The following COLGALT2 variants were observed in gnomAD, a reference collection of about 807,000 sequenced individuals.
COLGALT2 encodes procollagen galactosyltransferase 2.
A neutral mutation model predicts 73.4 loss-of-function variants in COLGALT2; 49 were observed. The ratio of observed to expected loss-of-function variants is 0.67; its 90% CI spans 0.53 to 0.85. The LOEUF is 0.85. Among genes scored for constraint, COLGALT2 ranks in the 40% least tolerant of loss-of-function variants. COLGALT2 has a pLI of 0.00. For synonymous variants in COLGALT2, 295 were observed against 307.6 expected (o/e 0.96, Z 0.43); for missense variants, 722 against 790.2 (o/e 0.91, Z 1.03).
intron 6 of COLGALT2, among the ~76,000 whole-genome samples, chr1:183,962,770 T>C (rs1038190706): frequency 1.3e-5 from 2 of 152,216 alleles, no homozygotes; most frequent in Non-Finnish European, 2.9e-5. Context: ...ATGCATCCCA[T>C]GCATGCTCCA....
At chr1:184,001,542 T>C (rs1671926655) in intron 1 of COLGALT2, among the ~76,000 whole-genome samples, 1 of 152,230 alleles carries the variant, frequency 6.6e-6, no homozygotes, top group South Asian at 2.1e-4. Flanking sequence ...TGACTTTATA[T>C]ACTGCATGCA....
rs397861890 is a variant in COLGALT2 at position 183,930,569 on chromosome 1, C to CTTTTTTT, written c.1605-287_1605-281dup. On this transcript the variant is annotated intron_variant, in intron 11 of 11. Transcript: ENST00000649786. The stretch of plus-strand genomic sequence containing the variant: ...AATGCCCTGCTAATTTTTTCTTTTT[C>CTTTTTTT]TTTTTTTTTTTTTTTTTTTTTGTAT... 3.1e-3 allele frequency among the ~76,000 whole-genome samples: 355 copies of CTTTTTTT among 113,966 alleles called. 2 individuals are homozygous for CTTTTTTT. The highest frequency in any genetic ancestry group is 5.6e-3 in the African/African-American group (167 of 29,614). 74.8% of individuals were successfully genotyped at this position (113,966 alleles called of 152,430 possible).
intron 1 of COLGALT2, among the ~76,000 whole-genome samples, chr1:183,995,230 C>T (rs1572664303): frequency 6.6e-6 from 1 of 152,126 alleles, no homozygotes; most frequent in Admixed American, 6.5e-5. Context: ...GTGCTATAAT[C>T]CAATAAAAGG....
At chr1:183,940,895 T>C in intron 10 of COLGALT2, 108 bp from the exon 11 acceptor site, 1 of 936,558 alleles carries the variant, frequency 1.1e-6, no homozygotes, top group Non-Finnish European at 1.7e-6. Flanking sequence ...CTGGACTGAC[T>C]CTGTCTGTCA....
chr1:183,978,440 T>A lies in COLGALT2; in HGVS notation c.344A>T (p.Tyr115Phe), dbSNP rs1202380717. 1 of 1,610,362 alleles carries A rather than the reference T, an allele frequency of 6.2e-7. No individual in the cohort carries two copies. The highest frequency in any genetic ancestry group is 1.7e-5 in the Admixed American group (1 of 59,978). Residue 115 changes from tyrosine to phenylalanine, a missense_variant, in exon 2 of 12, where the codon TAT (tyrosine) becomes TTT (phenylalanine). Transcript: ENST00000361927. The part of the protein sequence containing the change: ...WLKNVQRLYH[Y>F]VEWRPMDEPE... ...TTCATCCATAGGCCTCCACTCCACA[T>A]AGTGATAGAGTCTCTGTACATTTTT...
intron 8 of COLGALT2, among the ~76,000 whole-genome samples, chr1:183,947,945 A>G (rs1350792094): frequency 1.3e-5 from 2 of 152,154 alleles, no homozygotes; most frequent in East Asian, 3.8e-4. Flanking sequence ...AAAAGATTAT[A>G]TGATAATACT....
intron 8 of COLGALT2, among the ~76,000 whole-genome samples, chr1:183,947,176 T>C (rs1670274990): frequency 1.3e-5 from 2 of 152,202 alleles, no homozygotes; most frequent in Non-Finnish European, 2.9e-5. Context: ...ATATCCCACC[T>C]GCAATAATAG....
chr1:183,979,567 C>T (rs74130488), intron 1 of COLGALT2, among the ~76,000 whole-genome samples: 2,382 of 152,194 alleles, frequency 0.016, 53 homozygotes, highest in African/African-American at 0.055. Flanking sequence ...CTACTTAACT[C>T]TGCCATGGTA....
At chr1:183,976,352 T>TTATTA (rs1553316804) in intron 2 of COLGALT2, among the ~76,000 whole-genome samples, 6 of 148,174 alleles carry the variant, frequency 4.0e-5, no homozygotes, top group African/African-American at 1.2e-4. Context: ...TATGTATATA[T>TTATTA]TATATCATAT....
At chr1:184,001,893 T>C (rs570564845) in intron 1 of COLGALT2, among the ~76,000 whole-genome samples, 8 of 152,364 alleles carry the variant, frequency 5.3e-5, no homozygotes, top group Non-Finnish European at 5.9e-5. Context: ...TTAGGTGTAG[T>C]TGGGAATATC....
At chr1:184,017,751 A>T (rs1309303983) in intron 1 of COLGALT2, among the ~76,000 whole-genome samples, 1 of 152,178 alleles carries the variant, frequency 6.6e-6, no homozygotes, top group Non-Finnish European at 1.5e-5. Flanking sequence ...CTAAAGTGCA[A>T]GCTTCATTAG....
At chr1:183,986,550 T>C (rs1274642137) in intron 1 of COLGALT2, among the ~76,000 whole-genome samples, 3 of 152,206 alleles carry the variant, frequency 2.0e-5, no homozygotes, top group Non-Finnish European at 4.4e-5. Flanking sequence ...TTTTTCCTGA[T>C]GGTAAAATTT....
chr1:184,002,973 T>A (rs74130982), intron 1 of COLGALT2, among the ~76,000 whole-genome samples: 1 of 151,954 alleles, frequency 6.6e-6, no homozygotes. Flanking sequence ...AAAGATATAA[T>A]AAAAATATCA....
intron 11 of COLGALT2, among the ~76,000 whole-genome samples, chr1:183,930,701 T>A (rs1669828143): frequency 6.6e-6 from 1 of 150,884 alleles, no homozygotes; most frequent in Non-Finnish European, 1.5e-5. Flanking sequence ...ATTACAGGCA[T>A]GAGCCACCAC....
chr1:184,024,642 C>G (rs373539594), intron 1 of COLGALT2, among the ~76,000 whole-genome samples: 3 of 149,182 alleles, frequency 2.0e-5, no homozygotes, highest in African/African-American at 7.4e-5. Flanking sequence ...TGAGCCACCA[C>G]ACCCAGCCTC....
chr1:183,993,394 T>C (rs1671683951), intron 1 of COLGALT2, among the ~76,000 whole-genome samples: 1 of 152,212 alleles, frequency 6.6e-6, no homozygotes, highest in African/African-American at 2.4e-5. Flanking sequence ...TGGTAGATGG[T>C]AAATATGGCA....
intron 1 of COLGALT2, among the ~76,000 whole-genome samples, chr1:183,989,441 GC>G (rs1671574077): frequency 6.6e-6 from 1 of 152,184 alleles, no homozygotes; most frequent in African/African-American, 2.4e-5. Context: ...CAAGGACTGG[GC>G]TTGCTACGTG....
intron 10 of COLGALT2, 65 bp downstream of exon 10, chr1:183,944,131 C>T: frequency 6.6e-7 from 1 of 1,516,468 alleles, no homozygotes; most frequent in Admixed American, 2.2e-5. Flanking sequence ...AGGTGGGGCT[C>T]TCTGCGCATT....
At chr1:184,021,838 G>C (rs989928480) in intron 1 of COLGALT2, among the ~76,000 whole-genome samples, 4 of 152,226 alleles carry the variant, frequency 2.6e-5, no homozygotes, top group African/African-American at 9.6e-5. Flanking sequence ...AATGCCAAGT[G>C]CAGACAAAGC....
Sources: allele counts gnomAD v4.1 joint callset (sites outside exome capture counted in the v4.1 genomes callset), GRCh38; gene constraint gnomAD v4.1.1; transcripts MANE v1.5; gene names NCBI Gene and HGNC (gene_info 2026-07-23, HGNC 2026-07-21).